Variants in CWC27 observed in about 807,000 individuals in gnomAD.
The protein encoded by CWC27 is CWC27 spliceosome associated cyclophilin.
Under a neutral mutation model 63.6 loss-of-function variants are expected in CWC27, and 47 were observed. The ratio of observed to expected loss-of-function variants is 0.74; its 90% CI spans 0.58 to 0.94. The LOEUF is 0.94. CWC27 is among the 40% of genes least tolerant of loss of function. CWC27 has a pLI of 0.00. For synonymous variants in CWC27, 175 were observed against 179.8 expected, an observed-to-expected ratio of 0.97 and a Z score of 0.22; for missense variants, 495 against 554.3, an observed-to-expected ratio of 0.89 and a Z score of 1.07.
chr5:64,804,364 GAGA>G lies in CWC27; in HGVS notation c.921_923del (p.Lys308del), dbSNP rs1367503347. The G allele has an allele frequency of 2.5e-6, 4 of 1,611,026 alleles. No individual in the cohort carries two copies. The highest frequency in any genetic ancestry group is 3.4e-6 in the Non-Finnish European group (4 of 1,178,746). On this transcript the variant is annotated inframe_deletion, in exon 10 of 14. Transcript: ENST00000381070. ...TAAATCAGCTGGAGAAGGAGAAGTGGAGAAGAAATCAGTCAGCCGCAGGTGAGT... is the reference window on the plus strand; with the variant it reads ...TAAATCAGCTGGAGAAGGAGAAGTGGAGAAATCAGTCAGCCGCAGGTGAGT...
intron 11 of CWC27, among the ~76,000 whole-genome samples, chr5:64,904,867 C>T (rs1580716512): frequency 6.6e-6 from 1 of 151,824 alleles, no homozygotes; most frequent in Non-Finnish European, 1.5e-5. Flanking sequence ...CTATATGCAA[C>T]CTCGAGATAC....
intron 13 of CWC27, among the ~76,000 whole-genome samples, chr5:65,007,728 C>T (rs959549922): frequency 2.0e-5 from 3 of 151,776 alleles, no homozygotes; most frequent in Non-Finnish European, 2.9e-5. Flanking sequence ...CCCGGATTCA[C>T]GCCATTCTCC....
At chr5:64,922,730 T>C (rs1471828757) in intron 11 of CWC27, among the ~76,000 whole-genome samples, 1 of 152,228 alleles carries the variant, frequency 6.6e-6, no homozygotes, top group Non-Finnish European at 1.5e-5. Context: ...GCACTGGTTC[T>C]TTCTCATCTG....
intron 1 of CWC27, among the ~76,000 whole-genome samples, chr5:64,770,539 C>T (rs549483106): frequency 6.6e-6 from 1 of 152,262 alleles, no homozygotes; most frequent in South Asian, 2.1e-4. Flanking sequence ...TCAATCATGC[C>T]TTGCATCCCA....
chr5:64,981,896 C>T (rs919958979), intron 13 of CWC27, among the ~76,000 whole-genome samples: 1 of 152,182 alleles, frequency 6.6e-6, no homozygotes, highest in East Asian at 1.9e-4. Context: ...TCTCCTTCTA[C>T]GATAACCCTA....
At chr5:65,000,640 A>G (rs1411253259) in intron 13 of CWC27, among the ~76,000 whole-genome samples, 3 of 151,970 alleles carry the variant, frequency 2.0e-5, no homozygotes, top group Non-Finnish European at 4.4e-5. Context: ...GGCTGTACAT[A>G]TGTGCATTTA....
chr5:64,807,575 G>A (rs778960952), intron 10 of CWC27: 6 of 1,516,036 alleles, frequency 4.0e-6, no homozygotes, highest in Non-Finnish European at 5.3e-6. Flanking sequence ...TTTTTAAAAT[G>A]TACCAATCCC....
chr5:64,871,223 T>G (rs1746667654), intron 10 of CWC27, among the ~76,000 whole-genome samples: 1 of 152,152 alleles, frequency 6.6e-6, no homozygotes, highest in African/African-American at 2.4e-5. Flanking sequence ...TTATTGGAGT[T>G]GCAAAAGTGA....
intron 11 of CWC27, 136 bp downstream of exon 11, chr5:64,885,682 C>T (rs1747054270): frequency 3.8e-6 from 2 of 530,310 alleles, no homozygotes; most frequent in African/African-American, 4.5e-5. Context: ...CTTTCTTTCC[C>T]TCCCTCTTGA....
chr5:64,816,362 A>G (rs1745030383), intron 10 of CWC27, among the ~76,000 whole-genome samples: 1 of 152,180 alleles, frequency 6.6e-6, no homozygotes, highest in Non-Finnish European at 1.5e-5. Flanking sequence ...GTTTAACTGG[A>G]GTCATGGCTG....
At chr5:64,918,395 G>A (rs562432318) in intron 11 of CWC27, among the ~76,000 whole-genome samples, 1 of 152,018 alleles carries the variant, frequency 6.6e-6, no homozygotes, top group Non-Finnish European at 1.5e-5. Flanking sequence ...TTATATCCTC[G>A]AATATTGCTG....
chr5:64,947,978 G>A (rs747681352), intron 11 of CWC27, among the ~76,000 whole-genome samples: 17 of 151,954 alleles, frequency 1.1e-4, no homozygotes, highest in South Asian at 2.1e-4. Flanking sequence ...ATTTATTATG[G>A]TCCTTGTCAG....
chr5:64,890,615 G>T (rs1228130166), intron 11 of CWC27, among the ~76,000 whole-genome samples: 4 of 151,434 alleles, frequency 2.6e-5, no homozygotes, highest in Non-Finnish European at 5.9e-5. Context: ...CTTAATCTAT[G>T]TGCTAATTTT....
At chr5:65,015,617 G>A (rs1211037312) in intron 13 of CWC27, among the ~76,000 whole-genome samples, 1 of 152,210 alleles carries the variant, frequency 6.6e-6, no homozygotes, top group Non-Finnish European at 1.5e-5. Flanking sequence ...CTTCTCATCA[G>A]TGGTAATATT....
chr5:64,896,203 A>G (rs1747370629), intron 11 of CWC27, among the ~76,000 whole-genome samples: 1 of 152,220 alleles, frequency 6.6e-6, no homozygotes, highest in African/African-American at 2.4e-5. Flanking sequence ...ATAAGGCAGA[A>G]TCTTATTTTC....
chr5:64,968,589 AT>A (rs1392491476), intron 11 of CWC27, among the ~76,000 whole-genome samples: 1 of 152,232 alleles, frequency 6.6e-6, no homozygotes, highest in Non-Finnish European at 1.5e-5. Flanking sequence ...TAAGCCAGAC[AT>A]AAAAAACTAC....
intron 9 of CWC27, 64 bp from the exon 10 acceptor site, chr5:64,804,165 T>C (rs1369398395): frequency 7.0e-6 from 10 of 1,431,534 alleles, no homozygotes; most frequent in Non-Finnish European, 9.5e-6. Flanking sequence ...GTGGATGCAA[T>C]AGATCTCTAG....
At chr5:64,835,825 A>C (rs1226716322) in intron 10 of CWC27, among the ~76,000 whole-genome samples, 1 of 151,810 alleles carries the variant, frequency 6.6e-6, no homozygotes, top group Non-Finnish European at 1.5e-5. Flanking sequence ...ATTTTTGCCT[A>C]AGGAAAAGGA....
chr5:64,853,610 T>A (rs140201969), intron 10 of CWC27, among the ~76,000 whole-genome samples: 194 of 152,304 alleles, frequency 1.3e-3, no homozygotes, highest in African/African-American at 4.4e-3. Context: ...AAGCATGATA[T>A]CAACATCTGC....
Sources: gnomAD v4.1 joint callset for allele counts (sites outside exome capture counted in the v4.1 genomes callset) on GRCh38, gnomAD v4.1.1 for gene constraint, MANE v1.5 for transcripts, NCBI Gene and HGNC (gene_info 2026-07-23, HGNC 2026-07-21) for gene names.